The following SLC30A10 variants were observed in gnomAD, a reference collection of about 807,000 sequenced individuals.
The protein encoded by SLC30A10 is calcium/manganese antiporter SLC30A10.
Under a neutral mutation model 21.7 loss-of-function variants are expected in SLC30A10, and 8 were observed. The ratio of observed to expected loss-of-function variants is 0.37; its 90% CI spans 0.22 to 0.67. The LOEUF (loss-of-function observed/expected upper bound fraction) is 0.67, where lower values mean the gene tolerates loss of function less well. Ranked by LOEUF, SLC30A10 falls within the 30% of genes least tolerant of loss-of-function variation. The probability of loss-of-function intolerance (pLI) is 0.58; values close to 1 mark genes in which losing one functional copy is unlikely to be tolerated. For missense variants in SLC30A10, 521 were observed against 642.5 expected (o/e 0.81, Z 2.04); for synonymous variants, 272 against 279.4 (o/e 0.97, Z 0.26).
chr1:219,941,080 A>T (rs1660114515), intron 1 of SLC30A10, among the ~76,000 whole-genome samples: 2 of 152,244 alleles, frequency 1.3e-5, no homozygotes, highest in South Asian at 4.1e-4. Context: ...TACGAACTTG[A>T]TTAAACCATT....
At chr1:219,925,651 A>ATATATATATATATATATTTTTTT (rs1317554458) in intron 2 of SLC30A10, among the ~76,000 whole-genome samples, 1 of 48,284 alleles carries the variant, frequency 2.1e-5, no homozygotes, top group Non-Finnish European at 3.2e-5. Context: ...ATATATATAT[A>ATATATATATATATATATTTTTTT]TTTTTTTTTT....
intron 1 of SLC30A10, among the ~76,000 whole-genome samples, chr1:219,945,835 G>T (rs1004136588): frequency 6.6e-6 from 1 of 152,198 alleles, no homozygotes; most frequent in African/African-American, 2.4e-5. Flanking sequence ...TGGAGAACAT[G>T]AAAGTCTTGG....
At chr1:219,952,393 T>C (rs1660282978) in intron 1 of SLC30A10, among the ~76,000 whole-genome samples, 1 of 152,344 alleles carries the variant, frequency 6.6e-6, no homozygotes, top group East Asian at 1.9e-4. Context: ...ATTCAACTTA[T>C]GGTATGTTCA....
chr1:219,953,217 T>C (rs541444843), intron 1 of SLC30A10, among the ~76,000 whole-genome samples: 1 of 152,270 alleles, frequency 6.6e-6, no homozygotes, highest in East Asian at 1.9e-4. Flanking sequence ...TTATCACAAA[T>C]TCCCAATCAT....
chr1:219,912,170 CAAAAAAAAAAAAAAA>C lies in SLC30A10; in HGVS notation c.*3264_*3278del, dbSNP rs59792236. On this transcript the variant is annotated 3_prime_UTR_variant, in exon 4 of 4. Coordinates refer to ENST00000366926, the MANE Select transcript of SLC30A10 (RefSeq NM_018713.3). ...CCACTGGAATTTGCTCTACCAATGG[CAAAAAAAAAAAAAAA>C]AAAAAAAAAAAGAACTAAATATGGA... Among the ~76,000 whole-genome samples, 11 of 74,694 alleles carry C rather than the reference CAAAAAAAAAAAAAAA, an allele frequency of 1.5e-4. No homozygotes were observed. The highest frequency in any genetic ancestry group is 4.4e-4 in the African/African-American group (8 of 18,268). The allele number at this position is 74,694 out of a possible 152,430, so 49.0% of individuals were successfully genotyped here. A position where few individuals can be genotyped will look rare whatever the true frequency, so the allele number is the denominator to read the frequency against.
Position 219,913,185 on chromosome 1 carries a change from C to T in SLC30A10, c.*2264G>A, listed in dbSNP as rs1659457041. 6.6e-6 allele frequency among the ~76,000 whole-genome samples: 1 copy of T among 152,212 alleles called. No homozygotes were observed. The highest frequency in any genetic ancestry group is 1.5e-5 in the Non-Finnish European group (1 of 68,036). On this transcript the variant is annotated 3_prime_UTR_variant, in exon 4 of 4. Coordinates refer to ENST00000366926, the MANE Select transcript of SLC30A10 (RefSeq NM_018713.3). ...CTCAACCCAATACAAAATTATTGCACTTAGCATGATTGGACATTATTAAAT... is the reference window on the plus strand; with the variant it reads ...CTCAACCCAATACAAAATTATTGCATTTAGCATGATTGGACATTATTAAAT...
At chr1:219,930,552 G>T (rs1410214145), upstream of SLC30A10, among the ~76,000 whole-genome samples, 3 of 152,028 alleles carry the variant, frequency 2.0e-5, no homozygotes, top group Non-Finnish European at 4.4e-5. Context: ...ACATAACCTT[G>T]TCTTTCAGTA....
intron 2 of SLC30A10, among the ~76,000 whole-genome samples, chr1:219,923,936 G>A (rs1055917489): frequency 6.6e-6 from 1 of 152,144 alleles, no homozygotes; most frequent in Admixed American, 6.5e-5. Context: ...AGTGGCGCGC[G>A]CCTGTAATCC....
chr1:219,911,149 G>GTTTTTTTTTTGTTTTTTTTTTTTTTT lies in SLC30A10; in HGVS notation c.*4299_*4300insAAAAAAAAAAAAAAACAAAAAAAAAA, dbSNP rs1553311741. On this transcript the variant is annotated 3_prime_UTR_variant, in exon 4 of 4. Transcript: ENST00000366926. ...ATGTTTCTTCATTTTTTCTACATCA[G>GTTTTTTTTTTGTTTTTTTTTTTTTTT]TTTTTTTTTTTTTTTTTTTTTTTTT... 3.0e-4 allele frequency among the ~76,000 whole-genome samples: 15 copies of GTTTTTTTTTTGTTTTTTTTTTTTTTT among 49,402 alleles called. No individual in the cohort carries two copies. The highest frequency in any genetic ancestry group is 6.2e-4 in the Non-Finnish European group (14 of 22,436). 32.4% of individuals were successfully genotyped at this position (49,402 alleles called of 152,430 possible).
At chr1:219,944,232 G>A (rs1660156730) in intron 1 of SLC30A10, among the ~76,000 whole-genome samples, 2 of 151,204 alleles carry the variant, frequency 1.3e-5, no homozygotes, top group African/African-American at 4.9e-5. Context: ...CAGATCACGA[G>A]GTCAGGAGAT....
chr1:219,948,487 A>G (rs983730638), intron 1 of SLC30A10, among the ~76,000 whole-genome samples: 2 of 152,204 alleles, frequency 1.3e-5, no homozygotes, highest in African/African-American at 4.8e-5. Flanking sequence ...TTTTTGACAA[A>G]CCTGAGAAAA....
At chr1:219,944,624 T>A (rs1394204637) in intron 1 of SLC30A10, among the ~76,000 whole-genome samples, 1 of 151,670 alleles carries the variant, frequency 6.6e-6, no homozygotes, top group South Asian at 2.1e-4. Flanking sequence ...TAAAGGGAGG[T>A]AAGGTTTCTA....
At chr1:219,929,969 C>T (rs964634863), upstream of SLC30A10, among the ~76,000 whole-genome samples, 5 of 152,090 alleles carry the variant, frequency 3.3e-5, no homozygotes, top group African/African-American at 1.2e-4. Context: ...GTTTGAGAGG[C>T]CTGGCTCCTA....
At chr1:219,926,993 A>T in intron 2 of SLC30A10, 35 bp downstream of exon 2, 1 of 1,507,960 alleles carries the variant, frequency 6.6e-7, no homozygotes, top group Non-Finnish European at 9.2e-7. Flanking sequence ...TGTGTCATAG[A>T]AAGGGATTTC....
chr1:219,933,292 C>A (rs529942094), upstream of SLC30A10, among the ~76,000 whole-genome samples: 22 of 152,248 alleles, frequency 1.4e-4, no homozygotes, highest in Non-Finnish European at 2.5e-4. Flanking sequence ...ATAGCCCTGG[C>A]CCAGGAAGTG....
At chr1:219,958,991 G>C (rs888537491), upstream of SLC30A10, among the ~76,000 whole-genome samples, 1 of 152,172 alleles carries the variant, frequency 6.6e-6, no homozygotes, top group Non-Finnish European at 1.5e-5. Flanking sequence ...AGGATTAAAC[G>C]GAAGCTTCTT....
intron 2 of SLC30A10, among the ~76,000 whole-genome samples, chr1:219,922,174 G>GTGTGTGTGTGTGTTTTTTTTTT (rs1558252048): frequency 1.6e-4 from 3 of 18,218 alleles, no homozygotes; most frequent in Admixed American, 7.1e-4. Context: ...GTGTGTGTGT[G>GTGTGTGTGTGTGTTTTTTTTTT]TGTTTTTTTT....
chr1:219,933,571 A>C (rs1390934755), upstream of SLC30A10, among the ~76,000 whole-genome samples: 1 of 152,178 alleles, frequency 6.6e-6, no homozygotes, highest in African/African-American at 2.4e-5. Flanking sequence ...AATAGTATCT[A>C]CTTCATGAGG....
intron 1 of SLC30A10, among the ~76,000 whole-genome samples, chr1:219,948,530 A>G (rs1440686434): frequency 6.6e-6 from 1 of 152,206 alleles, no homozygotes; most frequent in East Asian, 1.9e-4. Context: ...CCTATTTAAT[A>G]AATGGTGCTG....
Sources: gnomAD v4.1 joint callset for allele counts (sites outside exome capture counted in the v4.1 genomes callset) on GRCh38, gnomAD v4.1.1 for gene constraint, MANE v1.5 for transcripts, NCBI Gene and HGNC (gene_info 2026-07-23, HGNC 2026-07-21) for gene names.